Variants in CPVL observed in about 807,000 individuals in gnomAD.
CPVL encodes probable serine carboxypeptidase CPVL.
CPVL carries 51 observed loss-of-function variants against 63.7 expected under a neutral mutation model. The ratio of observed to expected loss-of-function variants is 0.80; its 90% CI spans 0.64 to 1.01. The LOEUF is 1.01. Among genes scored for constraint, CPVL ranks in the 50% least tolerant of loss-of-function variants. CPVL has a pLI of 0.00. For synonymous variants in CPVL, 195 were observed against 206.0 expected, an observed-to-expected ratio of 0.95 and a Z score of 0.46; for missense variants, 530 against 573.1, an observed-to-expected ratio of 0.92 and a Z score of 0.77.
chr7:29,183,479 C>G (rs1342092090), intron 4 of CPVL, among the ~76,000 whole-genome samples: 1 of 151,574 alleles, frequency 6.6e-6, no homozygotes, highest in African/African-American at 2.4e-5. Flanking sequence ...TGGGTTCAAA[C>G]AATTCTCTTG....
At chr7:29,161,152 A>T (rs910039971) in intron 5 of CPVL, among the ~76,000 whole-genome samples, 1 of 152,152 alleles carries the variant, frequency 6.6e-6, no homozygotes, top group Admixed American at 6.6e-5. Flanking sequence ...GAAGGTGCTC[A>T]AGGTTAGGGG....
chr7:29,104,633 G>T (rs775719845), intron 3 of CPVL, among the ~76,000 whole-genome samples: 2 of 152,092 alleles, frequency 1.3e-5, no homozygotes, highest in African/African-American at 2.4e-5. Flanking sequence ...GTTTTGGCTT[G>T]TCTCATTGAT....
Position 29,145,021 on chromosome 7 carries a change from T to C in CPVL, c.-11+1408A>G, listed in dbSNP as rs1037511041. Among the ~76,000 whole-genome samples, 51 of 151,568 alleles carry C rather than the reference T, an allele frequency of 3.4e-4. 2 individuals are homozygous for C. The Admixed American group carries it at 3.4e-3, about 10-fold the overall frequency. ...GGTTAAGAACACTGACACTACATTATAAAGGGTTGCCCCTGTACTTAGACT... is the reference window on the plus strand; with the variant it reads ...GGTTAAGAACACTGACACTACATTACAAAGGGTTGCCCCTGTACTTAGACT... On this transcript the variant is annotated intron_variant, in intron 1 of 12. Transcript: ENST00000265394.
chr7:29,056,151 C>T (rs1790708403), intron 11 of CPVL, among the ~76,000 whole-genome samples: 2 of 152,170 alleles, frequency 1.3e-5, no homozygotes, highest in Non-Finnish European at 2.9e-5. Context: ...CTCACCACAG[C>T]GATGTATTTG....
intron 11 of CPVL, among the ~76,000 whole-genome samples, chr7:29,045,229 G>A (rs890046863): frequency 2.0e-5 from 3 of 152,032 alleles, no homozygotes; most frequent in Non-Finnish European, 4.4e-5. Context: ...TAATTTATAG[G>A]TATTCTCTTT....
chr7:28,995,874 A>G lies in CPVL; in HGVS notation c.1329T>C (p.Ile443=). 1 of 1,564,912 alleles carries G rather than the reference A, an allele frequency of 6.4e-7. No individual in the cohort carries two copies. Among genetic ancestry groups the G allele is most frequent in the Non-Finnish European group, 8.7e-7 (1 of 1,153,382 alleles). The change falls in exon 13 of 13, where the codon ATT becomes ATC. Residue 443 remains isoleucine (I), a synonymous_variant. Transcript: ENST00000265394. ...RQAGDFHQVI[I]RGGGHILPYD... ...AGGGTAAAATATGTCCTCCACCTCG[A>G]ATAATTACCTTAAAAAGAAAAAGTA...
At chr7:29,176,047 G>A (rs1405978923) in intron 5 of CPVL, among the ~76,000 whole-genome samples, 20 of 152,120 alleles carry the variant, frequency 1.3e-4, no homozygotes, top group Admixed American at 5.2e-4. Flanking sequence ...TTAGCCAGGC[G>A]TGGTGGTGGG....
At chr7:29,150,755 A>G (rs1259879243), upstream of CPVL, among the ~76,000 whole-genome samples, 2 of 152,294 alleles carry the variant, frequency 1.3e-5, no homozygotes, top group Middle Eastern at 3.4e-3. Flanking sequence ...TTCTATAGCC[A>G]TTGTTCCTTT....
At chr7:29,135,497 A>C (rs1791113993) in intron 1 of CPVL, among the ~76,000 whole-genome samples, 1 of 151,652 alleles carries the variant, frequency 6.6e-6, no homozygotes, top group Admixed American at 6.6e-5. Context: ...ATGCCTAACT[A>C]ATTTTTTTGT....
Position 29,162,927 on chromosome 7 carries a change from G to T in CPVL, c.-11+18363C>A, listed in dbSNP as rs1352135031. 1.1e-4 allele frequency among the ~76,000 whole-genome samples: 17 copies of T among 152,114 alleles called. 1 individual carries two copies. The highest frequency in any genetic ancestry group is 1.1e-3 in the Admixed American group (17 of 15,274). Reference sequence around the variant, plus strand: ...AACAATTCTGTACATGTGATAAAACGTTATAGAAATATACACAGAGACAGA... The same window carrying T: ...AACAATTCTGTACATGTGATAAAACTTTATAGAAATATACACAGAGACAGA... On this transcript the variant is annotated intron_variant, in intron 5 of 16. Transcript: ENST00000409850.
chr7:29,094,737 C>G (rs1344798711), intron 5 of CPVL, among the ~76,000 whole-genome samples: 1 of 151,776 alleles, frequency 6.6e-6, no homozygotes, highest in East Asian at 2.0e-4. Flanking sequence ...GTGGCACACG[C>G]CTGTAATCCC....
At chr7:29,147,088 G>T, upstream of CPVL, 1 of 1,317,380 alleles carries the variant, frequency 7.6e-7, no homozygotes. Context: ...CAAACTAAGT[G>T]AGGTTAAGTA....
chr7:29,111,232 C>A (rs1788193842), intron 3 of CPVL, among the ~76,000 whole-genome samples: 1 of 152,196 alleles, frequency 6.6e-6, no homozygotes, highest in Non-Finnish European at 1.5e-5. Context: ...AAAAAATGCA[C>A]ACATACAGAA....
intron 1 of CPVL, chr7:29,194,682 C>T (rs1292365991): frequency 1.3e-5 from 5 of 374,434 alleles, no homozygotes; most frequent in African/African-American, 4.3e-5. Flanking sequence ...CCCTCTGCTC[C>T]CACCTACCCC....
At chr7:29,060,701 C>T (rs1430841124) in intron 11 of CPVL, among the ~76,000 whole-genome samples, 3 of 152,136 alleles carry the variant, frequency 2.0e-5, no homozygotes, top group African/African-American at 4.8e-5. Flanking sequence ...TACATGAAAA[C>T]GTAATTCCAG....
intron 11 of CPVL, among the ~76,000 whole-genome samples, chr7:29,048,910 C>CTGCTCCTGAA (rs61197852): frequency 0.83 from 126,103 of 151,546 alleles, 53,195 homozygotes; most frequent in African/African-American, 0.95. Context: ...ATTAAATAAC[C>CTGCTCCTGAA]TGATCATTGG....
chr7:29,113,210 G>A (rs1584298231), intron 2 of CPVL, among the ~76,000 whole-genome samples: 1 of 152,168 alleles, frequency 6.6e-6, no homozygotes, highest in South Asian at 2.1e-4. Flanking sequence ...TGAAACAGTG[G>A]GGTGCAAGAG....
intron 3 of CPVL, chr7:29,096,479 T>C (rs1786412548): frequency 1.9e-6 from 1 of 517,510 alleles, no homozygotes; most frequent in East Asian, 3.0e-5. Context: ...AGAAAGCTCC[T>C]TAAATGTAGA....
intron 5 of CPVL, among the ~76,000 whole-genome samples, chr7:29,163,230 C>G (rs1795437098): frequency 6.6e-6 from 1 of 152,074 alleles, no homozygotes; most frequent in Non-Finnish European, 1.5e-5. Flanking sequence ...GTTATTAAAT[C>G]TAAGACGTGC....
Sources: allele counts gnomAD v4.1 joint callset (sites outside exome capture counted in the v4.1 genomes callset), GRCh38; gene constraint gnomAD v4.1.1; transcripts MANE v1.5; gene names NCBI Gene and HGNC (gene_info 2026-07-23, HGNC 2026-07-21).